PTPRD: variants seen among roughly 807,000 people sequenced by gnomAD.
PTPRD encodes the protein protein tyrosine phosphatase receptor type D, also known as receptor-type tyrosine-protein phosphatase delta.
A neutral mutation model predicts 214.5 loss-of-function variants in PTPRD; 34 were observed. That is an observed-to-expected ratio of 0.16 (90% CI 0.12 to 0.21). PTPRD has a LOEUF of 0.21. PTPRD is among the 10% of genes least tolerant of loss of function. PTPRD has a pLI of 1.00. For missense variants in PTPRD, 2,545 were observed against 2,398.7 expected (o/e 1.06, Z -1.27); for synonymous variants, 1,128 against 845.7 (o/e 1.33, Z -5.79).
chr9:9,126,384 C>T (rs1290723625), intron 10 of PTPRD, among the ~76,000 whole-genome samples: 4 of 152,136 alleles, frequency 2.6e-5, no homozygotes, highest in Non-Finnish European at 4.4e-5. Context: ...AAGCTGAATA[C>T]AGTAAGTCCT....
At chr9:9,781,424 T>C (rs1032807585) in intron 5 of PTPRD, among the ~76,000 whole-genome samples, 4 of 152,040 alleles carry the variant, frequency 2.6e-5, no homozygotes, top group African/African-American at 4.8e-5. Context: ...TGCTATGTAA[T>C]GGGAAAAAAA....
intron 11 of PTPRD, among the ~76,000 whole-genome samples, chr9:8,881,202 T>C (rs2098443383): frequency 6.6e-6 from 1 of 152,190 alleles, no homozygotes; most frequent in African/African-American, 2.4e-5. Context: ...AGAAATCAAA[T>C]GTATTTGTTC....
intron 6 of PTPRD, among the ~76,000 whole-genome samples, chr9:9,760,656 A>G (rs983846889): frequency 7.7e-5 from 5 of 64,888 alleles, no homozygotes; most frequent in Non-Finnish European, 2.3e-4. Context: ...ACACACACAT[A>G]TATATATATA....
At position 9,204,791 on chromosome 9, in the gene PTPRD, T is replaced by C. The variant is rs189838457; in HGVS notation, c.-202-21428A>G. ...TACTTGAAATTGTGCTAATATTATA[T>C]TGTATATTAAAAATGACCAAAAGAA... On this transcript the variant is annotated intron_variant, in intron 9 of 45. Coordinates refer to ENST00000381196, the MANE Select transcript of PTPRD (RefSeq NM_002839.4). Among the ~76,000 whole-genome samples the C allele has an allele frequency of 5.1e-4, 77 of 152,272 alleles. 1 individual carries two copies. Among genetic ancestry groups the C allele is most frequent in the Admixed American group, 1.2e-3 (18 of 15,282 alleles).
chr9:9,025,457 C>A (rs936179031), intron 10 of PTPRD, among the ~76,000 whole-genome samples: 2 of 151,976 alleles, frequency 1.3e-5, no homozygotes, highest in African/African-American at 4.8e-5. Flanking sequence ...TGTGTATACT[C>A]CTCTAGACTT....
At chr9:10,143,626 T>G (rs560723476) in intron 3 of PTPRD, among the ~76,000 whole-genome samples, 2 of 152,060 alleles carry the variant, frequency 1.3e-5, no homozygotes, top group African/African-American at 4.8e-5. Context: ...TGCAGCACCA[T>G]TCACAATAGC....
At chr9:9,425,339 G>C (rs2080412833) in intron 8 of PTPRD, among the ~76,000 whole-genome samples, 1 of 148,982 alleles carries the variant, frequency 6.7e-6, no homozygotes, top group South Asian at 2.1e-4. Flanking sequence ...GTGTAGTGCA[G>C]CAATATTACA....
rs373510392 is a variant in PTPRD at position 9,479,374 on chromosome 9, T to C, written c.-236-81892A>G. On this transcript the variant is annotated intron_variant, in intron 8 of 45. Coordinates refer to ENST00000381196, the MANE Select transcript of PTPRD (RefSeq NM_002839.4). ...ACACACACACACACACACACACACATACACTCATTGCTGTTTTTGTATATT... is the reference window on the plus strand; with the variant it reads ...ACACACACACACACACACACACACACACACTCATTGCTGTTTTTGTATATT... Among the ~76,000 whole-genome samples the C allele has an allele frequency of 4.5e-3, 595 of 133,598 alleles. 6 individuals are homozygous for C. The highest frequency in any genetic ancestry group is 0.015 in the African/African-American group (543 of 37,184). The allele number at this position is 133,598 out of a possible 152,430, so 87.6% of individuals were successfully genotyped here. A position where few individuals can be genotyped will look rare whatever the true frequency, so the allele number is the denominator to read the frequency against.
intron 7 of PTPRD, among the ~76,000 whole-genome samples, chr9:9,624,292 T>G (rs2095347171): frequency 6.6e-6 from 1 of 152,010 alleles, no homozygotes; most frequent in Admixed American, 6.6e-5. Context: ...TTTGTTTGTT[T>G]GTTTGTTTTT....
intron 2 of PTPRD, among the ~76,000 whole-genome samples, chr9:10,578,084 A>AT (rs761498115): frequency 6.6e-6 from 1 of 151,802 alleles, no homozygotes; most frequent in Non-Finnish European, 1.5e-5. Context: ...TAATTTTTGT[A>AT]TTTTTAGGAG....
intron 35 of PTPRD, among the ~76,000 whole-genome samples, chr9:8,419,591 G>C (rs1448150557): frequency 2.0e-5 from 3 of 151,438 alleles, no homozygotes; most frequent in African/African-American, 7.3e-5. Context: ...CTTAACCAAT[G>C]ATTTACAATA....
At chr9:8,995,171 A>T (rs1438411440) in intron 11 of PTPRD, among the ~76,000 whole-genome samples, 1 of 152,074 alleles carries the variant, frequency 6.6e-6, no homozygotes, top group Non-Finnish European at 1.5e-5. Context: ...TAGATATAAC[A>T]ACCAAATGCA....
chr9:10,212,374 A>G lies in PTPRD; in HGVS notation c.-545+128589T>C, dbSNP rs2099521487. Among the ~76,000 whole-genome samples the G allele has an allele frequency of 2.0e-5, 3 of 152,136 alleles. No homozygotes were observed. In the South Asian group the frequency reaches 6.2e-4, roughly 31 times the overall value. On this transcript the variant is annotated intron_variant, in intron 3 of 45. Transcript: ENST00000381196. ...GCTAAAAGTCTTATATAATAAGTAA[A>G]TTATGAAGAAAAGAATGCTGTTAGA...
At chr9:10,250,925 A>T (rs1044439361) in intron 3 of PTPRD, among the ~76,000 whole-genome samples, 1 of 151,986 alleles carries the variant, frequency 6.6e-6, no homozygotes, top group Non-Finnish European at 1.5e-5. Flanking sequence ...TTTCTAAAAA[A>T]TATTTGATTA....
chr9:9,333,748 T>G (rs145419757), intron 9 of PTPRD, among the ~76,000 whole-genome samples: 54 of 151,812 alleles, frequency 3.6e-4, no homozygotes, highest in Non-Finnish European at 6.8e-4. Context: ...AATACATTCA[T>G]ATGAGGTCAA....
At position 9,084,981 on chromosome 9, in the gene PTPRD, C is replaced by T. The variant is rs534388329; in HGVS notation, c.-142-66246G>A. ...GCACAGACAGGGAAAGATTATTTTT[C>T]CCTGAAAATATTCCTTTAAAACTTC... On this transcript the variant is annotated intron_variant, in intron 10 of 45. Transcript: ENST00000381196. Among the ~76,000 whole-genome samples the T allele has an allele frequency of 7.2e-4, 109 of 152,180 alleles. 1 individual carries two copies. In the East Asian group the frequency reaches 0.016, roughly 22 times the overall value.
At chr9:9,947,586 T>A (rs865938754) in intron 4 of PTPRD, among the ~76,000 whole-genome samples, 3 of 48,990 alleles carry the variant, frequency 6.1e-5, no homozygotes, top group African/African-American at 1.2e-4. Flanking sequence ...TATATATATA[T>A]TATATATATA....
chr9:9,143,748 C>T (rs2099864012), intron 10 of PTPRD, among the ~76,000 whole-genome samples: 2 of 152,168 alleles, frequency 1.3e-5, no homozygotes, highest in Admixed American at 1.3e-4. Flanking sequence ...ACTCATCCAT[C>T]CTCAGAGAGA....
intron 10 of PTPRD, among the ~76,000 whole-genome samples, chr9:9,165,705 C>CG (rs1204492188): frequency 2.0e-5 from 3 of 151,944 alleles, no homozygotes; most frequent in Admixed American, 1.3e-4. Flanking sequence ...GTACATTTCA[C>CG]GGGGGGCCAC....
Sources: gnomAD v4.1 joint callset for allele counts (sites outside exome capture counted in the v4.1 genomes callset) on GRCh38, gnomAD v4.1.1 for gene constraint, MANE v1.5 for transcripts, NCBI Gene and HGNC (gene_info 2026-07-23, HGNC 2026-07-21) for gene names.